The following CDH12 variants were observed in gnomAD, a reference collection of about 807,000 sequenced individuals.
The protein encoded by CDH12 is cadherin-12.
CDH12 carries 41 observed loss-of-function variants against 74.1 expected under a neutral mutation model. That is an observed-to-expected ratio of 0.55 (90% confidence interval 0.43 to 0.72). CDH12 has a LOEUF of 0.72. CDH12 is among the 30% of genes least tolerant of loss of function. The pLI is 0.00. For synonymous variants in CDH12, 399 were observed against 355.0 expected (o/e 1.12, Z -1.39); for missense variants, 945 against 977.2 (o/e 0.97, Z 0.44).
At chr5:22,664,108 A>T (rs564343010) in intron 1 of CDH12, among the ~76,000 whole-genome samples, 90 of 152,348 alleles carry the variant, frequency 5.9e-4, no homozygotes, top group Non-Finnish European at 1.2e-3. Context: ...TCAAATGTCA[A>T]CAATAGGTCT....
chr5:21,961,429 C>G (rs188682464), intron 6 of CDH12, among the ~76,000 whole-genome samples: 101 of 152,138 alleles, frequency 6.6e-4, no homozygotes, highest in African/African-American at 2.2e-3. Context: ...TAGTTTTGTC[C>G]TTTTTAAATC....
chr5:22,597,751 T>A (rs1398099796), intron 1 of CDH12, among the ~76,000 whole-genome samples: 11 of 152,128 alleles, frequency 7.2e-5, no homozygotes, highest in Admixed American at 1.3e-4. Flanking sequence ...AGTAAAAAAA[T>A]GTATGAATGC....
At chr5:22,628,672 C>T (rs1490997080) in intron 1 of CDH12, among the ~76,000 whole-genome samples, 4 of 152,074 alleles carry the variant, frequency 2.6e-5, no homozygotes, top group Admixed American at 6.6e-5. Context: ...AACAACATAA[C>T]ATTACACTTA....
intron 1 of CDH12, among the ~76,000 whole-genome samples, chr5:22,780,588 C>G (rs556462870): frequency 1.3e-5 from 2 of 151,992 alleles, no homozygotes; most frequent in African/African-American, 2.4e-5. Context: ...CATTCACTAT[C>G]GCAAGAACAG....
chr5:21,817,193 C>T (rs1561210080), intron 8 of CDH12, 61 bp from the exon 9 acceptor site: 5 of 1,160,842 alleles, frequency 4.3e-6, no homozygotes. Flanking sequence ...AGTAAGATTA[C>T]AAGGCTTGAA....
At chr5:21,800,290 C>T (rs1328184342) in intron 10 of CDH12, among the ~76,000 whole-genome samples, 5 of 152,122 alleles carry the variant, frequency 3.3e-5, no homozygotes, top group African/African-American at 1.2e-4. Flanking sequence ...TTTGGGGGCC[C>T]TTAGGATGTC....
intron 1 of CDH12, among the ~76,000 whole-genome samples, chr5:22,703,357 C>T (rs560902655): frequency 2.0e-5 from 3 of 152,000 alleles, no homozygotes. Flanking sequence ...CTTGAATTTT[C>T]TTTTCTCTGA....
At chr5:22,689,910 T>C (rs749218656) in intron 1 of CDH12, among the ~76,000 whole-genome samples, 47 of 152,094 alleles carry the variant, frequency 3.1e-4, no homozygotes, top group Non-Finnish European at 5.3e-4. Flanking sequence ...AATTTAGCTA[T>C]AAAATACATG....
intron 6 of CDH12, among the ~76,000 whole-genome samples, chr5:21,937,865 A>G (rs2547562): frequency 6.6e-6 from 1 of 152,120 alleles, no homozygotes; most frequent in Non-Finnish European, 1.5e-5. Flanking sequence ...ACCTTCCCCA[A>G]GCATGTTTGC....
chr5:22,822,130 G>T (rs1180636931), intron 1 of CDH12, among the ~76,000 whole-genome samples: 6 of 152,096 alleles, frequency 3.9e-5, no homozygotes, highest in Non-Finnish European at 7.4e-5. Context: ...AAGCAATGGG[G>T]AAAGGATTCC....
chr5:22,542,380 A>G (rs962339012), intron 1 of CDH12, among the ~76,000 whole-genome samples: 1 of 152,200 alleles, frequency 6.6e-6, no homozygotes, highest in Non-Finnish European at 1.5e-5. Flanking sequence ...AGAAGAGAAA[A>G]TGATCCATTG....
Position 22,852,734 on chromosome 5 carries a change from G to A in CDH12, c.-523+324C>T, listed in dbSNP as rs1737611973. Among the ~76,000 whole-genome samples, 3 of 152,186 alleles carry A rather than the reference G, an allele frequency of 2.0e-5. No individual in the cohort carries two copies. In the South Asian group the frequency reaches 6.2e-4, roughly 32 times the overall value. ...TATAAAGCCATTTATAAAATAACTA[G>A]TTGGACATCTAGCACACCTACTTAT... On this transcript the variant is annotated intron_variant, in intron 1 of 14. Coordinates refer to ENST00000382254, the MANE Select transcript of CDH12 (RefSeq NM_004061.5).
At chr5:22,571,145 C>T (rs1739520737) in intron 1 of CDH12, among the ~76,000 whole-genome samples, 2 of 152,100 alleles carry the variant, frequency 1.3e-5, no homozygotes, top group South Asian at 2.1e-4. Context: ...ACCACTCAAA[C>T]TTTCTCCATA....
At chr5:22,719,713 A>G (rs1288872118) in intron 1 of CDH12, among the ~76,000 whole-genome samples, 1 of 152,144 alleles carries the variant, frequency 6.6e-6, no homozygotes. Context: ...GGGCAGGGAA[A>G]ATAATCATAA....
At chr5:22,540,367 G>A (rs1738051441) in intron 1 of CDH12, among the ~76,000 whole-genome samples, 1 of 151,930 alleles carries the variant, frequency 6.6e-6, no homozygotes, top group Non-Finnish European at 1.5e-5. Flanking sequence ...TTTTAAGAGG[G>A]TGTTTTTGGC....
At chr5:21,997,908 G>T (rs1369478366) in intron 5 of CDH12, among the ~76,000 whole-genome samples, 4 of 152,042 alleles carry the variant, frequency 2.6e-5, no homozygotes, top group Non-Finnish European at 5.9e-5. Context: ...TTTCCAATTT[G>T]GGGTAGGAGC....
chr5:21,776,894 T>C (rs2149890454), intron 11 of CDH12, among the ~76,000 whole-genome samples: 1 of 152,296 alleles, frequency 6.6e-6, no homozygotes, highest in East Asian at 1.9e-4. Context: ...AACTACCAAG[T>C]ATGTTTTTGT....
intron 10 of CDH12, among the ~76,000 whole-genome samples, chr5:21,786,387 C>A (rs116568095): frequency 6.6e-6 from 1 of 152,010 alleles, no homozygotes; most frequent in Admixed American, 6.6e-5. Flanking sequence ...CTCAAGACCT[C>A]GTGAGTAGCC....
chr5:22,280,289 A>C (rs1470927602), intron 3 of CDH12, among the ~76,000 whole-genome samples: 1 of 152,146 alleles, frequency 6.6e-6, no homozygotes, highest in Admixed American at 6.6e-5. Flanking sequence ...TAAAATTGAC[A>C]CCCTAACATC....
Sources: gnomAD v4.1 joint callset for allele counts (sites outside exome capture counted in the v4.1 genomes callset) on GRCh38, gnomAD v4.1.1 for gene constraint, MANE v1.5 for transcripts, NCBI Gene and HGNC (gene_info 2026-07-23, HGNC 2026-07-21) for gene names.